The following HERC3 variants were observed in gnomAD, a reference collection of about 807,000 sequenced individuals.
The protein encoded by HERC3 is HECT and RLD domain containing E3 ubiquitin protein ligase 3.
Under a neutral mutation model 129.9 loss-of-function variants are expected in HERC3, and 58 were observed. The observed-to-expected ratio is 0.45, with a 90% CI of 0.36 to 0.56. The LOEUF is 0.56. Among genes scored for constraint, HERC3 ranks in the 20% least tolerant of loss-of-function variants. The pLI is 0.00. For synonymous variants in HERC3, 430 were observed against 451.0 expected (o/e 0.95, Z 0.59); for missense variants, 835 against 1,244.2 (o/e 0.67, Z 4.95).
chr4:88,704,420 T>C (rs1735593152), intron 24 of HERC3, 88 bp from the exon 25 acceptor site: 1 of 1,208,624 alleles, frequency 8.3e-7, no homozygotes. Flanking sequence ...TCAGCACTTA[T>C]TTCTTAGCCT....
At chr4:88,585,976 G>T in the HERC3 span, among the ~76,000 whole-genome samples, 2 of 152,268 alleles carry the variant, frequency 1.3e-5, no homozygotes, top group East Asian at 3.9e-4. Flanking sequence ...GTGTGTGTTT[G>T]GCTGGTGCCA....
chr4:88,594,082 A>C (rs1722067937), intron 1 of HERC3, among the ~76,000 whole-genome samples: 1 of 152,240 alleles, frequency 6.6e-6, no homozygotes, highest in South Asian at 2.1e-4. Context: ...TTTGGCATGA[A>C]AAACAAAATT....
chr4:88,693,979 C>T (rs1377549373), intron 23 of HERC3, among the ~76,000 whole-genome samples: 1 of 152,096 alleles, frequency 6.6e-6, no homozygotes, highest in East Asian at 1.9e-4. Context: ...ATAAGCAGTC[C>T]AGGAAACAAT....
Position 88,606,006 on chromosome 4 carries a change from C to T in HERC3, c.183C>T (p.Asn61=). 6.2e-7 allele frequency: 1 copy of T among 1,614,088 alleles called. No homozygotes were observed. Among genetic ancestry groups the T allele is most frequent in the Non-Finnish European group, 8.5e-7 (1 of 1,179,978 alleles). The part of the protein sequence containing the change: ...EDGEVYTCGL[N]TKGQLGHERE... ...GGGAAGTTTACACATGTGGTTTGAA[C>T]ACCAAGGGGCAACTGGGCCATGAGA... The change falls in exon 3 of 26, where the codon AAC becomes AAT. Residue 61 remains asparagine (N), a synonymous_variant. Coordinates refer to ENST00000402738, the MANE Select transcript of HERC3 (RefSeq NM_014606.3).
rs183030814 is a variant in HERC3 at position 88,697,179 on chromosome 4, C to T, written c.2658-6919C>T. 3.4e-6 allele frequency: 5 copies of T among 1,467,028 alleles called. No homozygotes were observed. In the African/African-American group the frequency reaches 5.7e-5, roughly 17 times the overall value. 90.9% of individuals were successfully genotyped at this position (1,467,028 alleles called of 1,614,324 possible). On this transcript the variant is annotated intron_variant, in intron 23 of 25. Coordinates refer to ENST00000402738, the MANE Select transcript of HERC3 (RefSeq NM_014606.3). ...AAAACCAGGCTTTTTTCTTCGTGGG[C>T]TTTCTCTTCATCCATCTCTGCCCCC...
At chr4:88,587,556 C>G (rs1190496697), upstream of HERC3, among the ~76,000 whole-genome samples, 1 of 152,174 alleles carries the variant, frequency 6.6e-6, no homozygotes, top group Non-Finnish European at 1.5e-5. Flanking sequence ...ATTTTTATGG[C>G]CAACCTATAA....
intron 3 of HERC3, among the ~76,000 whole-genome samples, chr4:88,626,899 A>G (rs1205772671): frequency 3.3e-5 from 5 of 152,020 alleles, no homozygotes; most frequent in Non-Finnish European, 4.4e-5. Flanking sequence ...TTTCTGTTTC[A>G]GTGATTTTTG....
upstream of HERC3, among the ~76,000 whole-genome samples, chr4:88,588,999 T>TA (rs1458336589): frequency 3.9e-5 from 6 of 151,912 alleles, 1 homozygote; most frequent in East Asian, 1.2e-3. Context: ...AGTCTAGGAG[T>TA]TTGAAGCCAG....
intron 4 of HERC3, among the ~76,000 whole-genome samples, chr4:88,650,366 C>T (rs974856012): frequency 2.6e-5 from 4 of 152,326 alleles, no homozygotes; most frequent in Admixed American, 1.3e-4. Context: ...AAAATAGAAT[C>T]ACAAAGCTGA....
At chr4:88,574,909 A>C in the HERC3 span, among the ~76,000 whole-genome samples, 1 of 152,194 alleles carries the variant, frequency 6.6e-6, no homozygotes, top group South Asian at 2.1e-4. Context: ...CCTTGCTTTC[A>C]GTTCTTTTGG....
At chr4:88,613,981 A>G (rs1459834919) in intron 3 of HERC3, among the ~76,000 whole-genome samples, 4 of 152,138 alleles carry the variant, frequency 2.6e-5, no homozygotes, top group African/African-American at 9.7e-5. Flanking sequence ...TCTGATACTC[A>G]GCCTACATTC....
At chr4:88,619,295 C>G (rs1051537075) in intron 3 of HERC3, among the ~76,000 whole-genome samples, 1 of 152,168 alleles carries the variant, frequency 6.6e-6, no homozygotes, top group African/African-American at 2.4e-5. Flanking sequence ...TATTTTTAGT[C>G]AGGCTTTCAT....
At chr4:88,531,275 A>G in the HERC3 span, among the ~76,000 whole-genome samples, 2 of 151,998 alleles carry the variant, frequency 1.3e-5, no homozygotes, top group Non-Finnish European at 2.9e-5. Flanking sequence ...ACTGGCCTCA[A>G]GCTGTCCTCC....
In HERC3 at chr4:88,708,429, C is replaced by G. The variant is rs1241938127; in HGVS notation, c.*1469C>G. On this transcript the variant is annotated 3_prime_UTR_variant, in exon 26 of 26. Transcript: ENST00000402738. Reference sequence around the variant, plus strand: ...ATTGCTAAATTGGTAGTTTTTCAGTCTTTATAAATACAGGATTAAAAATAT... The same window carrying G: ...ATTGCTAAATTGGTAGTTTTTCAGTGTTTATAAATACAGGATTAAAAATAT... 6.6e-6 allele frequency: 1 copy of G among 152,214 alleles called. No individual in the cohort carries two copies. Among genetic ancestry groups the G allele is most frequent in the Non-Finnish European group, 1.5e-5 (1 of 67,960 alleles). 9.4% of individuals were successfully genotyped at this position (152,214 alleles called of 1,614,324 possible).
rs777523381 is a variant in HERC3, at chr4:88,706,768, C to T, written c.2961C>T (p.Ser987=). The T allele has an allele frequency of 2.5e-5, 40 of 1,613,944 alleles. No individual in the cohort carries two copies. Among genetic ancestry groups the T allele is most frequent in the Non-Finnish European group, 3.2e-5 (38 of 1,179,962 alleles). The part of the protein sequence containing the change: ...KKKFLLFLTG[S]DRIPIYGMAS... ...TCTCCCCAGTGTTCCTGACAGGCAGCGATCGGATTCCCATCTACGGCATGG... is the reference window on the plus strand; with the variant it reads ...TCTCCCCAGTGTTCCTGACAGGCAGTGATCGGATTCCCATCTACGGCATGG... The change falls in exon 26 of 26, where the codon AGC becomes AGT. Residue 987 remains serine, a synonymous_variant. Coordinates refer to ENST00000402738, the MANE Select transcript of HERC3 (RefSeq NM_014606.3).
At chr4:88,650,024 C>T (rs372625200) in intron 4 of HERC3, 25 bp downstream of exon 4, 5 of 1,598,086 alleles carry the variant, frequency 3.1e-6, no homozygotes, top group Non-Finnish European at 2.6e-6. Context: ...AAATGTCAGT[C>T]GTTTTAAATG....
the HERC3 span, among the ~76,000 whole-genome samples, chr4:88,579,737 G>GT: frequency 1.3e-5 from 2 of 152,140 alleles, no homozygotes; most frequent in African/African-American, 2.4e-5. Context: ...CTGTGCATAT[G>GT]TTTTTTTAAA....
At chr4:88,616,050 A>G (rs1724864543) in intron 3 of HERC3, among the ~76,000 whole-genome samples, 1 of 152,212 alleles carries the variant, frequency 6.6e-6, no homozygotes, top group African/African-American at 2.4e-5. Context: ...TTCCCTTAAT[A>G]CTACAGGATC....
At chr4:88,573,271 A>C in the HERC3 span, among the ~76,000 whole-genome samples, 1 of 152,232 alleles carries the variant, frequency 6.6e-6, no homozygotes, top group African/African-American at 2.4e-5. Flanking sequence ...TCATTAAAAA[A>C]CATTCTTTGG....
Sources: gnomAD v4.1 joint callset for allele counts (sites outside exome capture counted in the v4.1 genomes callset) on GRCh38, gnomAD v4.1.1 for gene constraint, MANE v1.5 for transcripts, NCBI Gene and HGNC (gene_info 2026-07-23, HGNC 2026-07-21) for gene names.